The following SPAG16 variants were observed in gnomAD, a reference collection of about 807,000 sequenced individuals.
SPAG16 encodes sperm-associated antigen 16 protein.
A neutral mutation model predicts 80.4 loss-of-function variants in SPAG16; 86 were observed. The observed-to-expected ratio is 1.07, with a 90% CI of 0.90 to 1.28. The LOEUF (loss-of-function observed/expected upper bound fraction) is 1.28, where lower values mean the gene tolerates loss of function less well. SPAG16 is among the 50% of genes most tolerant of loss of function. SPAG16 has a pLI of 0.00. For synonymous variants in SPAG16, 294 were observed against 265.9 expected (o/e 1.11, Z -1.03); for missense variants, 870 against 765.3 (o/e 1.14, Z -1.61).
At chr2:214,006,204 C>T (rs1020636247) in intron 12 of SPAG16, among the ~76,000 whole-genome samples, 1 of 151,962 alleles carries the variant, frequency 6.6e-6, no homozygotes, top group Non-Finnish European at 1.5e-5. Context: ...TTTTGTTGAC[C>T]TGCATATTCC....
intron 10 of SPAG16, among the ~76,000 whole-genome samples, chr2:213,564,648 G>A (rs1437187437): frequency 6.6e-6 from 1 of 152,114 alleles, no homozygotes; most frequent in Non-Finnish European, 1.5e-5. Context: ...TAAACAATTA[G>A]TGAAATAGTT....
intron 12 of SPAG16, among the ~76,000 whole-genome samples, chr2:214,004,259 T>G (rs1408889644): frequency 6.6e-6 from 1 of 152,098 alleles, no homozygotes; most frequent in Non-Finnish European, 1.5e-5. Context: ...TCAACTTAGA[T>G]TTGTACAAGG....
chr2:214,355,787 C>T (rs1259131091), intron 15 of SPAG16, among the ~76,000 whole-genome samples: 8 of 151,772 alleles, frequency 5.3e-5, no homozygotes, highest in Non-Finnish European at 8.8e-5. Context: ...TGTCCAACAA[C>T]AATAGACTGG....
chr2:213,573,887 C>G lies in SPAG16; in HGVS notation c.1070+83797C>G, dbSNP rs118117462. ...CTCTTAAAGTTTAGGGCAACCTAAACCAGTGTGAATCAGACTTTAATGTGC... is the reference window on the plus strand; with the variant it reads ...CTCTTAAAGTTTAGGGCAACCTAAAGCAGTGTGAATCAGACTTTAATGTGC... On this transcript the variant is annotated intron_variant, in intron 10 of 15. Coordinates refer to ENST00000331683, the MANE Select transcript of SPAG16 (RefSeq NM_024532.5). Among the ~76,000 whole-genome samples the G allele has an allele frequency of 9.4e-4, 143 of 152,176 alleles. 1 individual carries two copies. The East Asian group carries it at 0.025, about 27-fold the overall frequency.
intron 10 of SPAG16, among the ~76,000 whole-genome samples, chr2:213,680,861 G>T (rs1441761274): frequency 6.6e-6 from 1 of 152,136 alleles, no homozygotes; most frequent in Non-Finnish European, 1.5e-5. Flanking sequence ...GTTCAGAAAG[G>T]CAGGACAACT....
chr2:213,654,353 TTTTG>T (rs10611901), intron 10 of SPAG16, among the ~76,000 whole-genome samples: 54,869 of 150,408 alleles, frequency 0.36, 10,323 homozygotes, highest in Middle Eastern at 0.51. Context: ...CATCTATTGT[TTTTG>T]TTTGTTTGTT....
intron 12 of SPAG16, among the ~76,000 whole-genome samples, chr2:213,974,246 T>G (rs2045239650): frequency 6.6e-6 from 1 of 152,126 alleles, no homozygotes; most frequent in African/African-American, 2.4e-5. Context: ...TGCTACGATT[T>G]AAGCTCCTGC....
chr2:214,218,613 G>A (rs2058490972), intron 15 of SPAG16, among the ~76,000 whole-genome samples: 1 of 152,180 alleles, frequency 6.6e-6, no homozygotes, highest in Non-Finnish European at 1.5e-5. Context: ...CCTTCATATT[G>A]TGCAGGTTTT....
intron 9 of SPAG16, among the ~76,000 whole-genome samples, chr2:213,406,936 T>TA (rs60707204): frequency 0.012 from 1,442 of 122,396 alleles, 25 homozygotes; most frequent in African/African-American, 0.036. Context: ...GACGCGGATT[T>TA]AAAAAAAAAA....
At chr2:214,236,360 G>A (rs1049213934) in intron 15 of SPAG16, among the ~76,000 whole-genome samples, 1 of 152,102 alleles carries the variant, frequency 6.6e-6, no homozygotes, top group South Asian at 2.1e-4. Context: ...GTTTTTAAGG[G>A]TATAATTTTG....
chr2:214,361,475 G>A (rs1055296448), intron 15 of SPAG16, among the ~76,000 whole-genome samples: 4 of 151,746 alleles, frequency 2.6e-5, no homozygotes, highest in Non-Finnish European at 5.9e-5. Flanking sequence ...AAATGTGAAT[G>A]GTTAGTCTAA....
chr2:213,424,796 C>CT (rs1228419783), intron 9 of SPAG16, among the ~76,000 whole-genome samples: 1 of 152,130 alleles, frequency 6.6e-6, no homozygotes, highest in African/African-American at 2.4e-5. Flanking sequence ...TTTTAGGGGT[C>CT]TTTTTCAGGA....
chr2:213,991,354 AG>A (rs1369598670), intron 12 of SPAG16, among the ~76,000 whole-genome samples: 1 of 152,146 alleles, frequency 6.6e-6, no homozygotes, highest in Non-Finnish European at 1.5e-5. Flanking sequence ...ATGGCTGCAT[AG>A]TACTCCATGG....
chr2:214,244,612 T>G (rs1384477528), intron 15 of SPAG16, among the ~76,000 whole-genome samples: 1 of 152,096 alleles, frequency 6.6e-6, no homozygotes, highest in African/African-American at 2.4e-5. Context: ...TCTATATTAT[T>G]AAAACTTTTT....
intron 10 of SPAG16, among the ~76,000 whole-genome samples, chr2:213,860,464 TATATC>T (rs1437472819): frequency 3.0e-5 from 4 of 132,580 alleles, no homozygotes; most frequent in African/African-American, 1.0e-4. Flanking sequence ...TATATACAGA[TATATC>T]TATCTATATA....
intron 12 of SPAG16, among the ~76,000 whole-genome samples, chr2:213,953,348 T>A (rs1174753787): frequency 6.6e-6 from 1 of 151,152 alleles, no homozygotes; most frequent in Non-Finnish European, 1.5e-5. Flanking sequence ...AAAGGAAAAT[T>A]TTAAAGAATA....
chr2:214,123,600 A>G (rs1389661491), intron 14 of SPAG16, among the ~76,000 whole-genome samples: 1 of 152,074 alleles, frequency 6.6e-6, no homozygotes, highest in Non-Finnish European at 1.5e-5. Context: ...TTCTCTTAAT[A>G]ATCAGAGACA....
At chr2:214,328,070 G>A (rs1263781043) in intron 15 of SPAG16, among the ~76,000 whole-genome samples, 1 of 151,892 alleles carries the variant, frequency 6.6e-6, no homozygotes, top group Non-Finnish European at 1.5e-5. Context: ...GATGCTTTTT[G>A]TCTAGGTTAA....
rs1336743831 is a variant in SPAG16 at position 213,576,937 on chromosome 2, C to T, written c.1070+86847C>T. ...GCAAAATAATCTGTACAACAATCCC[C>T]ATTACACAAGTTTACATAGGTTACA... is the stretch of plus-strand genomic sequence containing the variant. On this transcript the variant is annotated intron_variant, in intron 10 of 15. Transcript: ENST00000331683. 2.6e-5 allele frequency among the ~76,000 whole-genome samples: 4 copies of T among 151,964 alleles called. No individual in the cohort carries two copies. In the South Asian group the frequency reaches 6.2e-4, roughly 24 times the overall value.
Sources: allele counts gnomAD v4.1 joint callset (sites outside exome capture counted in the v4.1 genomes callset), GRCh38; gene constraint gnomAD v4.1.1; transcripts MANE v1.5; gene names NCBI Gene and HGNC (gene_info 2026-07-23, HGNC 2026-07-21).